BIRC6: variants seen among roughly 807,000 people sequenced by gnomAD.
The protein encoded by BIRC6 is dual E2 ubiquitin-conjugating enzyme/E3 ubiquitin-protein ligase BIRC6.
Under a neutral mutation model 503.3 loss-of-function variants are expected in BIRC6, and 98 were observed. That is an observed-to-expected ratio of 0.19 (90% confidence interval 0.17 to 0.23). BIRC6 has a LOEUF of 0.23. BIRC6 is among the 10% of genes least tolerant of loss of function. The probability of loss-of-function intolerance (pLI) is 1.00; values close to 1 mark genes in which losing one functional copy is unlikely to be tolerated. For synonymous variants in BIRC6, 2,240 were observed against 2,078.7 expected, an observed-to-expected ratio of 1.08 and a Z score of -2.11; for missense variants, 5,360 against 5,806.0, an observed-to-expected ratio of 0.92 and a Z score of 2.50.
At chr2:32,576,506 A>T (rs1166121115) in intron 66 of BIRC6, among the ~76,000 whole-genome samples, 2 of 152,190 alleles carry the variant, frequency 1.3e-5, no homozygotes, top group Non-Finnish European at 2.9e-5. Flanking sequence ...CTGTTAATGG[A>T]AGTTTACTCC....
intron 73 of BIRC6, among the ~76,000 whole-genome samples, chr2:32,615,252 T>A (rs1406647201): frequency 6.6e-6 from 1 of 152,152 alleles, no homozygotes; most frequent in Non-Finnish European, 1.5e-5. Context: ...GGGACAAATA[T>A]CCAAACTAGA....
chr2:32,565,725 T>A (rs1252161713), intron 65 of BIRC6: 1 of 152,252 alleles, frequency 6.6e-6, no homozygotes, highest in Non-Finnish European at 1.5e-5. Flanking sequence ...CTTATAGTTC[T>A]GCAGGGCTGG....
Position 32,462,075 on chromosome 2 carries a change from G to A in BIRC6, c.4754-1119G>A, listed in dbSNP as rs897874469. Among the ~76,000 whole-genome samples, 25 of 152,026 alleles carry A rather than the reference G, an allele frequency of 1.6e-4. No homozygotes were observed. In the East Asian group the frequency reaches 2.3e-3, roughly 14 times the overall value. On this transcript the variant is annotated intron_variant, in intron 23 of 73. Transcript: ENST00000421745. The stretch of plus-strand genomic sequence containing the variant: ...AAAATAAAAAAAAAAAGGTGGGGGG[G>A]ATCATGATGCCTGGGCCATAAAGTT...
At chr2:32,420,564 AG>A (rs2042827483) in intron 10 of BIRC6, among the ~76,000 whole-genome samples, 1 of 152,014 alleles carries the variant, frequency 6.6e-6, no homozygotes, top group Non-Finnish European at 1.5e-5. Context: ...CCCAGGCTGG[AG>A]TGCAGTGGTG....
intron 6 of BIRC6, among the ~76,000 whole-genome samples, chr2:32,396,150 A>C (rs185973239): frequency 0.017 from 2,541 of 152,274 alleles, 30 homozygotes; most frequent in South Asian, 0.049. Context: ...ACTAGGTACC[A>C]TTCTGAATAC....
chr2:32,462,989 C>T (rs1572405874), intron 23 of BIRC6, among the ~76,000 whole-genome samples: 1 of 151,624 alleles, frequency 6.6e-6, no homozygotes, highest in Non-Finnish European at 1.5e-5. Flanking sequence ...CCTGTATTTC[C>T]TAGATCTTGA....
At chr2:32,613,457 T>A (rs1194518866) in intron 73 of BIRC6, among the ~76,000 whole-genome samples, 5 of 152,114 alleles carry the variant, frequency 3.3e-5, no homozygotes, top group Non-Finnish European at 5.9e-5. Context: ...CTCAGCTCAC[T>A]GCAGCCTTAA....
intron 66 of BIRC6, among the ~76,000 whole-genome samples, chr2:32,576,439 G>A (rs2060267527): frequency 1.3e-5 from 2 of 152,140 alleles, no homozygotes; most frequent in South Asian, 4.1e-4. Flanking sequence ...AATCTGTTCA[G>A]TGGTTGTCAG....
chr2:32,510,636 T>TA lies in BIRC6; in HGVS notation c.10346+3dup. The TA allele has an allele frequency of 6.5e-7, 1 of 1,549,126 alleles. No individual in the cohort carries two copies. Among genetic ancestry groups the TA allele is most frequent in the Non-Finnish European group, 8.9e-7 (1 of 1,122,404 alleles). ...TCAGGATCCTGGTACAAAAGACAGG[T>TA]ACGATTTTATTTTTCATTTAATTAA... On this transcript the variant is annotated splice_region_variant and intron_variant, in intron 53 of 73. Coordinates refer to ENST00000421745, the MANE Select transcript of BIRC6 (RefSeq NM_016252.4).
At chr2:32,377,211 A>G (rs2036922828) in intron 1 of BIRC6, among the ~76,000 whole-genome samples, 1 of 138,326 alleles carries the variant, frequency 7.2e-6, no homozygotes, top group South Asian at 2.3e-4. Context: ...CCCTTAATAT[A>G]TATGTGTGTG....
At chr2:32,359,255 C>A (rs1323303027) in intron 1 of BIRC6, among the ~76,000 whole-genome samples, 1 of 152,120 alleles carries the variant, frequency 6.6e-6, no homozygotes, top group Non-Finnish European at 1.5e-5. Flanking sequence ...ACTAGGATTT[C>A]TAAAGAAAGT....
chr2:32,572,679 ATGT>A (rs1303442022), intron 65 of BIRC6, among the ~76,000 whole-genome samples: 2 of 152,166 alleles, frequency 1.3e-5, no homozygotes, highest in Non-Finnish European at 2.9e-5. Flanking sequence ...AGTAAGTAGG[ATGT>A]TGTGACATTG....
chr2:32,541,931 G>A (rs2057693862), intron 61 of BIRC6, among the ~76,000 whole-genome samples: 1 of 151,936 alleles, frequency 6.6e-6, no homozygotes, highest in South Asian at 2.1e-4. Flanking sequence ...TCCTTCTAAT[G>A]TTCTTTAGGG....
chr2:32,587,455 G>C (rs1479408518), intron 66 of BIRC6, among the ~76,000 whole-genome samples: 1 of 152,134 alleles, frequency 6.6e-6, no homozygotes, highest in Non-Finnish European at 1.5e-5. Context: ...ATCTGCTTTT[G>C]GGCTAAGTGT....
intron 21 of BIRC6, 74 bp downstream of exon 21, chr2:32,445,742 T>A: frequency 9.3e-7 from 1 of 1,072,948 alleles, no homozygotes. Flanking sequence ...AACTGTTATT[T>A]AATATATATA....
At chr2:32,447,717 C>T (rs2046221376) in intron 21 of BIRC6, among the ~76,000 whole-genome samples, 1 of 92,084 alleles carries the variant, frequency 1.1e-5, no homozygotes, top group Admixed American at 9.4e-5. Context: ...CCCCCCCCAC[C>T]TCCCTCCTGG....
chr2:32,536,643 C>G (rs1384072896), intron 61 of BIRC6, among the ~76,000 whole-genome samples: 1 of 152,128 alleles, frequency 6.6e-6, no homozygotes, highest in Non-Finnish European at 1.5e-5. Context: ...TCTGAGGGCT[C>G]TGTTCTGTTC....
At chr2:32,525,703 C>T in intron 59 of BIRC6, 75 bp downstream of exon 59, 1 of 1,432,736 alleles carries the variant, frequency 7.0e-7, no homozygotes, top group Non-Finnish European at 9.4e-7. Flanking sequence ...GGCACAGTCA[C>T]CAAAATCATT....
intron 57 of BIRC6, among the ~76,000 whole-genome samples, chr2:32,524,074 ATAACAGT>A (rs2056033740): frequency 1.4e-4 from 21 of 151,958 alleles, no homozygotes; most frequent in Admixed American, 1.4e-3. Context: ...TGGAGACTTG[ATAACAGT>A]TATATAGTGA....
Sources: gnomAD v4.1 joint callset for allele counts (sites outside exome capture counted in the v4.1 genomes callset) on GRCh38, gnomAD v4.1.1 for gene constraint, MANE v1.5 for transcripts, NCBI Gene and HGNC (gene_info 2026-07-23, HGNC 2026-07-21) for gene names.